Variants in ING5 observed in about 807,000 individuals in gnomAD.
The protein encoded by ING5 is inhibitor of growth protein 5.
In ING5, 17 loss-of-function variants were observed where a neutral mutation model predicts 37.4. That is an observed-to-expected ratio of 0.45 (90% CI 0.31 to 0.68). ING5 has a LOEUF of 0.68. Among genes scored for constraint, ING5 ranks in the 30% least tolerant of loss-of-function variants. The pLI is 0.05. For synonymous variants in ING5, 123 were observed against 116.6 expected, an observed-to-expected ratio of 1.06 and a Z score of -0.36; for missense variants, 233 against 311.9, an observed-to-expected ratio of 0.75 and a Z score of 1.91.
chr2:241,702,030 C>G (rs964045883), upstream of ING5: 364 of 1,355,460 alleles, frequency 2.7e-4, 1 homozygote, highest in Non-Finnish European at 3.4e-4. Context: ...CGGCACCGCC[C>G]GCCCGCGCAG....
At chr2:241,719,064 G>C (rs1244415277) in intron 5 of ING5, among the ~76,000 whole-genome samples, 1 of 152,212 alleles carries the variant, frequency 6.6e-6, no homozygotes, top group African/African-American at 2.4e-5. Flanking sequence ...CAGGGTCTCA[G>C]CTTCAGCTCC....
At position 241,721,667 on chromosome 2, in the gene ING5, C is replaced by T. The variant is rs2070440257; in HGVS notation, c.483-1272C>T. On this transcript the variant is annotated intron_variant, in intron 5 of 7. Transcript: ENST00000313552. ...CTAACCTGCTGTGTTTACATACCAA[C>T]TAGATATTCGTGGGTTGGAGGGTGG... The T allele has an allele frequency of 7.1e-6, 7 of 985,050 alleles. No homozygotes were observed. The South Asian group carries it at 2.3e-4, about 33-fold the overall frequency. The allele number at this position is 985,050 out of a possible 1,614,324, so 61.0% of individuals were successfully genotyped here.
rs992915133 is a variant in ING5 at position 241,724,858 on chromosome 2, T to C, written c.681-131T>C. ...CCCTGCGGGAGGGCCGCGGCCCCAC[T>C]GCGTGTGCCTCTCCTGGTGCCCTCC... On this transcript the variant is annotated intron_variant, in intron 7 of 7. Coordinates refer to ENST00000313552, the MANE Select transcript of ING5 (RefSeq NM_032329.6). 18 of 864,584 alleles carry C rather than the reference T, an allele frequency of 2.1e-5. No individual in the cohort carries two copies. The South Asian group carries it at 2.4e-4, about 11-fold the overall frequency. 53.6% of individuals were successfully genotyped at this position (864,584 alleles called of 1,614,324 possible). A position where few individuals can be genotyped will look rare whatever the true frequency, so the allele number is the denominator to read the frequency against.
intron 2 of ING5, among the ~76,000 whole-genome samples, chr2:241,692,839 C>T (rs991173592): frequency 6.6e-6 from 1 of 152,166 alleles, no homozygotes; most frequent in African/African-American, 2.4e-5. Context: ...CTTTCACCTC[C>T]TCACCTGGGC....
intron 2 of ING5, among the ~76,000 whole-genome samples, 170 bp downstream of exon 2, chr2:241,704,894 T>C (rs4675794): frequency 0.13 from 19,951 of 152,260 alleles, 1,716 homozygotes; most frequent in East Asian, 0.42. Flanking sequence ...TTGATACTTT[T>C]GAAGCCACAT....
At chr2:241,715,221 G>A (rs970293401) in intron 5 of ING5, among the ~76,000 whole-genome samples, 7 of 151,648 alleles carry the variant, frequency 4.6e-5, no homozygotes, top group Non-Finnish European at 8.8e-5. Flanking sequence ...TTGAGATGAG[G>A]TCTCACTCTG....
intron 5 of ING5, among the ~76,000 whole-genome samples, chr2:241,713,349 C>T (rs1314209948): frequency 4.8e-5 from 7 of 146,748 alleles, no homozygotes; most frequent in Non-Finnish European, 7.5e-5. Context: ...TGAGCCATCA[C>T]ACCCGACCCA....
intron 1 of ING5, 149 bp downstream of exon 1, chr2:241,702,251 C>T: frequency 5.6e-6 from 1 of 179,484 alleles, no homozygotes; most frequent in Non-Finnish European, 1.0e-5. Flanking sequence ...GCGGACGGGG[C>T]GGGGCAGGGC....
At chr2:241,703,449 CG>C (rs903118617) in intron 1 of ING5, among the ~76,000 whole-genome samples, 15 of 152,104 alleles carry the variant, frequency 9.9e-5, no homozygotes, top group Non-Finnish European at 1.8e-4. Flanking sequence ...GAAAGCAGCA[CG>C]GGGGTCCTCC....
upstream of ING5, among the ~76,000 whole-genome samples, chr2:241,699,877 T>C (rs1176211124): frequency 6.6e-6 from 1 of 152,062 alleles, no homozygotes; most frequent in Non-Finnish European, 1.5e-5. Flanking sequence ...AGTGGTGAAG[T>C]GGGAAGAGGA....
At chr2:241,709,034 C>T (rs1338182483) in intron 2 of ING5, 182 bp from the exon 3 acceptor site, 14 of 586,596 alleles carry the variant, frequency 2.4e-5, no homozygotes, top group South Asian at 7.1e-5. Flanking sequence ...CACATTCACA[C>T]GATCCCAGAC....
At chr2:241,723,353 T>A in intron 7 of ING5, 82 bp downstream of exon 7, 1 of 1,421,556 alleles carries the variant, frequency 7.0e-7, no homozygotes, top group Non-Finnish European at 9.9e-7. Context: ...AGGTGCTCCA[T>A]GGCAGAATCT....
intron 1 of ING5, among the ~76,000 whole-genome samples, chr2:241,703,155 C>A (rs1347892207): frequency 6.6e-6 from 1 of 152,168 alleles, no homozygotes; most frequent in East Asian, 1.9e-4. Flanking sequence ...ATCCTGGTGC[C>A]CAGCCAGTGG....
chr2:241,723,322 G>C (rs776673714), intron 7 of ING5, 51 bp downstream of exon 7: 2 of 1,573,068 alleles, frequency 1.3e-6, no homozygotes, highest in Admixed American at 3.3e-5. Context: ...TGGGTGTTGC[G>C]CTGCTGGCCT....
At chr2:241,720,404 C>A in intron 5 of ING5, 8 of 1,134,550 alleles carry the variant, frequency 7.1e-6, no homozygotes, top group Non-Finnish European at 8.6e-6. Flanking sequence ...CAGGCCTGTT[C>A]CCCACGTGCC....
intron 2 of ING5, among the ~76,000 whole-genome samples, chr2:241,707,047 C>T (rs2069939055): frequency 1.3e-5 from 2 of 150,288 alleles, no homozygotes; most frequent in Admixed American, 6.7e-5. Context: ...ACAACCTCTG[C>T]CTCCCAGGTT....
At chr2:241,699,545 A>ATAC, upstream of ING5, among the ~76,000 whole-genome samples, 1 of 152,178 alleles carries the variant, frequency 6.6e-6, no homozygotes, top group Admixed American at 6.6e-5. Context: ...CATGGTGATC[A>ATAC]TACGGATTTG....
At chr2:241,700,798 G>A (rs2069705030), upstream of ING5, among the ~76,000 whole-genome samples, 1 of 149,480 alleles carries the variant, frequency 6.7e-6, no homozygotes. Flanking sequence ...GGTAATTTTT[G>A]TATTTTTAGT....
intron 3 of ING5, among the ~76,000 whole-genome samples, chr2:241,711,061 T>C (rs1347503903): frequency 1.3e-5 from 2 of 152,226 alleles, no homozygotes; most frequent in Non-Finnish European, 2.9e-5. Flanking sequence ...CAGGTAGCCA[T>C]ATTTTAAAGT....
Sources: gnomAD v4.1 joint callset for allele counts (sites outside exome capture counted in the v4.1 genomes callset) on GRCh38, gnomAD v4.1.1 for gene constraint, MANE v1.5 for transcripts, NCBI Gene and HGNC (gene_info 2026-07-23, HGNC 2026-07-21) for gene names.